Variants in TTC33 observed in about 807,000 individuals in gnomAD.
TTC33 encodes the protein tetratricopeptide repeat domain 33, also known as tetratricopeptide repeat protein 33.
TTC33 carries 24 observed loss-of-function variants against 29.4 expected under a neutral mutation model. That is an observed-to-expected ratio of 0.82 (90% CI 0.59 to 1.15). TTC33 has a LOEUF of 1.15. Among genes scored for constraint, TTC33 ranks in the 50% most tolerant of loss-of-function variants. The pLI is 0.00. For synonymous variants in TTC33, 107 were observed against 100.3 expected (o/e 1.07, Z -0.40); for missense variants, 286 against 310.4 (o/e 0.92, Z 0.59).
At chr5:40,743,074 T>C (rs1230383777) in intron 2 of TTC33, among the ~76,000 whole-genome samples, 1 of 152,120 alleles carries the variant, frequency 6.6e-6, no homozygotes, top group African/African-American at 2.4e-5. Context: ...ATAAACAAAA[T>C]ATTCTAAACA....
At chr5:40,739,658 C>G (rs985414990) in intron 2 of TTC33, among the ~76,000 whole-genome samples, 10 of 152,156 alleles carry the variant, frequency 6.6e-5, no homozygotes, top group Non-Finnish European at 1.5e-5. Flanking sequence ...TTCCTGAGGG[C>G]TCCCCAGAAG....
At chr5:40,749,511 A>G (rs1204823232) in intron 1 of TTC33, among the ~76,000 whole-genome samples, 1 of 152,260 alleles carries the variant, frequency 6.6e-6, no homozygotes, top group Admixed American at 6.5e-5. Flanking sequence ...GCTTTATGAA[A>G]CTACCAAAGA....
chr5:40,730,419 T>A, intron 2 of TTC33, 76 bp from the exon 3 acceptor site: 1 of 1,163,308 alleles, frequency 8.6e-7, no homozygotes, highest in Non-Finnish European at 1.3e-6. Context: ...ATTTTTATTG[T>A]AGTAAAATAT....
intron 2 of TTC33, among the ~76,000 whole-genome samples, chr5:40,733,919 C>T (rs966546503): frequency 7.2e-5 from 11 of 152,176 alleles, no homozygotes; most frequent in African/African-American, 2.4e-4. Context: ...CACACACACA[C>T]GTGTAAACAC....
chr5:40,730,810 T>C (rs532293925), intron 2 of TTC33, among the ~76,000 whole-genome samples: 1 of 152,312 alleles, frequency 6.6e-6, no homozygotes, highest in African/African-American at 2.4e-5. Flanking sequence ...CAGAAAAACT[T>C]AGAAATGGGT....
intron 4 of TTC33, among the ~76,000 whole-genome samples, chr5:40,726,362 T>C (rs1246546745): frequency 2.0e-5 from 3 of 151,896 alleles, no homozygotes; most frequent in Non-Finnish European, 4.4e-5. Flanking sequence ...ATGGTTTTAG[T>C]CCATATGTAT....
rs186853198 is a variant in TTC33, at chr5:40,748,380, G to C, written c.-1-1361C>G. Reference sequence around the variant, plus strand: ...CCCTTCTAATTTTATATTTTTAGTAGAGATGGAGTTTCACTATGTTGGTGA... The same window carrying C: ...CCCTTCTAATTTTATATTTTTAGTACAGATGGAGTTTCACTATGTTGGTGA... On this transcript the variant is annotated intron_variant, in intron 1 of 4. Coordinates refer to ENST00000337702, the MANE Select transcript of TTC33 (RefSeq NM_012382.3). 4.6e-5 allele frequency among the ~76,000 whole-genome samples: 7 copies of C among 152,144 alleles called. No individual in the cohort carries two copies. In the East Asian group the frequency reaches 1.4e-3, roughly 29 times the overall value.
At chr5:40,722,740 GC>G (rs1183302880) in intron 4 of TTC33, among the ~76,000 whole-genome samples, 1 of 150,862 alleles carries the variant, frequency 6.6e-6, no homozygotes, top group East Asian at 2.0e-4. Context: ...TGGCGGGGCA[GC>G]CCCTGCCCGG....
chr5:40,741,445 C>T (rs1742693119), intron 2 of TTC33, among the ~76,000 whole-genome samples: 1 of 152,198 alleles, frequency 6.6e-6, no homozygotes, highest in South Asian at 2.1e-4. Context: ...CAGTCATTTT[C>T]CCTGGATTTA....
rs146142767 is a variant in TTC33, at chr5:40,752,572, G to A, written c.-2+3252C>T. 4.9e-3 allele frequency among the ~76,000 whole-genome samples: 753 copies of A among 152,226 alleles called. 5 individuals are homozygous for A. Among genetic ancestry groups the A allele is most frequent in the African/African-American group, 0.017 (717 of 41,518 alleles). On this transcript the variant is annotated intron_variant, in intron 1 of 4. Coordinates refer to ENST00000337702, the MANE Select transcript of TTC33 (RefSeq NM_012382.3). ...AGACCCAAGGAGAAGAAGAGAGATG[G>A]GAATAGCCAGTTGGTGGTACAGCAT...
rs181785263 is a variant in TTC33, at chr5:40,738,929, T to C, written c.221+7869A>G. ...CTTCCTACTGAGTTGTAAGAGTTCT[T>C]CTATACTCTGGAAACAAGTCCTACG... On this transcript the variant is annotated intron_variant, in intron 2 of 4. Coordinates refer to ENST00000337702, the MANE Select transcript of TTC33 (RefSeq NM_012382.3). 4.1e-3 allele frequency among the ~76,000 whole-genome samples: 632 copies of C among 152,306 alleles called. 3 individuals carry two copies. Among genetic ancestry groups the C allele is most frequent in the African/African-American group, 0.015 (606 of 41,566 alleles).
intron 4 of TTC33, among the ~76,000 whole-genome samples, chr5:40,727,715 C>A (rs1228358160): frequency 6.6e-6 from 1 of 152,078 alleles, no homozygotes; most frequent in African/African-American, 2.4e-5. Flanking sequence ...ATGTAATGAT[C>A]CAAAGAACTA....
At chr5:40,722,430 T>C (rs1202236445) in intron 4 of TTC33, among the ~76,000 whole-genome samples, 9 of 144,708 alleles carry the variant, frequency 6.2e-5, no homozygotes, top group Non-Finnish European at 1.2e-4. Flanking sequence ...GGAGCGCCTC[T>C]TCCCGGCCGT....
chr5:40,746,815 A>G lies in TTC33; in HGVS notation c.204T>C (p.Ser68=). The G allele has an allele frequency of 6.2e-7, 1 of 1,611,888 alleles. No individual in the cohort carries two copies. Among genetic ancestry groups the G allele is most frequent in the Non-Finnish European group, 8.5e-7 (1 of 1,179,452 alleles). ...ATACATACCTTTTATTTTCAGCCAA[A>G]CTGGCTCCTTCATCCTTCAGCTGTT... ...KSKQLKDEGA[S]LAENKRYREA... is the part of the protein sequence containing the mutation. Residue 68 remains serine, a synonymous_variant, in exon 2 of 5, where the codon AGT becomes AGC. Transcript: ENST00000337702.
chr5:40,737,837 G>A (rs183409770), intron 2 of TTC33, among the ~76,000 whole-genome samples: 5 of 152,132 alleles, frequency 3.3e-5, no homozygotes, highest in South Asian at 2.1e-4. Flanking sequence ...GGAATCAGAC[G>A]GTATGTACTC....
intron 2 of TTC33, among the ~76,000 whole-genome samples, chr5:40,740,403 T>C (rs1457437920): frequency 6.6e-6 from 1 of 152,068 alleles, no homozygotes; most frequent in Non-Finnish European, 1.5e-5. Context: ...CTGAAAGATA[T>C]TTTTATAATA....
chr5:40,738,281 G>C (rs1182252521), intron 2 of TTC33, among the ~76,000 whole-genome samples: 5 of 151,804 alleles, frequency 3.3e-5, no homozygotes, highest in African/African-American at 9.7e-5. Flanking sequence ...GCATAGAGTG[G>C]TGCGCGCCTG....
intron 1 of TTC33, among the ~76,000 whole-genome samples, chr5:40,750,759 T>C (rs1213072651): frequency 6.6e-6 from 1 of 152,198 alleles, no homozygotes; most frequent in Admixed American, 6.5e-5. Flanking sequence ...CTAAGTCCTT[T>C]GTTGTCATTT....
intron 2 of TTC33, among the ~76,000 whole-genome samples, chr5:40,746,345 T>C (rs1186105119): frequency 6.6e-6 from 1 of 152,192 alleles, no homozygotes; most frequent in South Asian, 2.1e-4. Context: ...TTTACTTAAG[T>C]ATATAAGAAG....
Sources: gnomAD v4.1 joint callset for allele counts (sites outside exome capture counted in the v4.1 genomes callset) on GRCh38, gnomAD v4.1.1 for gene constraint, MANE v1.5 for transcripts, NCBI Gene and HGNC (gene_info 2026-07-23, HGNC 2026-07-21) for gene names.